SNTB1: variants seen among roughly 807,000 people sequenced by gnomAD.
SNTB1 encodes syntrophin beta 1.
In SNTB1, 36 loss-of-function variants were observed where a neutral mutation model predicts 48.9. The ratio of observed to expected loss-of-function variants is 0.74; its 90% CI spans 0.56 to 0.97. The LOEUF (loss-of-function observed/expected upper bound fraction) is 0.97, where lower values mean the gene tolerates loss of function less well. SNTB1 is among the 50% of genes least tolerant of loss of function. The pLI is 0.00. For synonymous variants in SNTB1, 299 were observed against 294.6 expected (o/e 1.01, Z -0.15); for missense variants, 786 against 703.4 (o/e 1.12, Z -1.33).
rs746672901 is a variant in SNTB1, at chr8:120,632,535, G to A, written c.905C>T (p.Thr302Ile). Residue 302 changes from threonine to isoleucine, a missense_variant, in exon 3 of 7, where the codon ACC (threonine) becomes ATC (isoleucine). Thr to Ile is a moderately conservative substitution (Grantham distance 89, BLOSUM62 -1). Transcript: ENST00000517992. ...AIHSNVNDLL[T>I]RVIAEVREQL... ...CTCTCTGACCTCAGCAATCACTCGG[G>A]TCAGCAGGTCATTAACGTTGGAATG... The A allele has an allele frequency of 6.2e-7, 1 of 1,614,150 alleles. No individual in the cohort carries two copies. The highest frequency in any genetic ancestry group is 2.2e-5 in the East Asian group (1 of 44,876).
chr8:120,604,226 T>C (rs1295575649), intron 3 of SNTB1, among the ~76,000 whole-genome samples: 1 of 152,160 alleles, frequency 6.6e-6, no homozygotes, highest in African/African-American at 2.4e-5. Context: ...TCTTTTGATA[T>C]CCCCTTGGCG....
intron 2 of SNTB1, among the ~76,000 whole-genome samples, chr8:120,665,447 C>CAAAT (rs202008122): frequency 0.35 from 37,192 of 107,594 alleles, 4,957 homozygotes; most frequent in Middle Eastern, 0.45. Context: ...ACTCCATCTC[C>CAAAT]AAATAAATAA....
At chr8:120,611,963 T>A (rs1343110860) in intron 3 of SNTB1, among the ~76,000 whole-genome samples, 2 of 152,182 alleles carry the variant, frequency 1.3e-5, no homozygotes, top group Middle Eastern at 3.4e-3. Flanking sequence ...TACTTCAAGA[T>A]CGGCTCACAT....
At position 120,811,609 on chromosome 8, in the gene SNTB1, C is replaced by A; in HGVS notation, c.235G>T (p.Ala79Ser). 1 of 1,581,758 alleles carries A rather than the reference C, an allele frequency of 6.3e-7. No individual in the cohort carries two copies. Among genetic ancestry groups the A allele is most frequent in the Non-Finnish European group, 8.6e-7 (1 of 1,168,138 alleles). The stretch of plus-strand genomic sequence containing the variant: ...GAGTCCGGGGGCTGCGCGCCGCCCG[C>A]GCCCGGGTGCCCAGCCCCGGCGCCC... ...CRGAGAGHPG[A>S]GGAQPPDSPA... The change falls in exon 1 of 7, where the codon GCG becomes TCG. Residue 79 changes from alanine to serine, a missense_variant. Coordinates refer to ENST00000517992, the MANE Select transcript of SNTB1 (RefSeq NM_021021.4).
intron 1 of SNTB1, among the ~76,000 whole-genome samples, chr8:120,730,751 A>G (rs1332689699): frequency 1.3e-5 from 2 of 152,152 alleles, no homozygotes; most frequent in East Asian, 3.9e-4. Flanking sequence ...CCTATTTTTC[A>G]TGGTGATTTG....
intron 1 of SNTB1, chr8:120,769,641 G>A (rs1020124165): frequency 2.0e-5 from 3 of 152,202 alleles, no homozygotes; most frequent in South Asian, 2.1e-4. Context: ...TGTACAGAGG[G>A]AGCTGCTCCA....
intron 1 of SNTB1, among the ~76,000 whole-genome samples, chr8:120,701,170 GA>G (rs1818304052): frequency 6.6e-6 from 1 of 152,158 alleles, no homozygotes; most frequent in Non-Finnish European, 1.5e-5. Context: ...GATGCAGAGA[GA>G]GATCATCAAT....
At chr8:120,784,546 G>C (rs978089451) in intron 1 of SNTB1, among the ~76,000 whole-genome samples, 2 of 152,072 alleles carry the variant, frequency 1.3e-5, no homozygotes, top group Non-Finnish European at 1.5e-5. Flanking sequence ...ACAGCTGTCC[G>C]GACAAAGGAG....
At chr8:120,604,457 C>CT (rs60947708) in intron 3 of SNTB1, among the ~76,000 whole-genome samples, 1,980 of 132,976 alleles carry the variant, frequency 0.015, 48 homozygotes, top group African/African-American at 0.047. Flanking sequence ...GCTTTTGCTT[C>CT]TTTTTTTTTT....
intron 1 of SNTB1, among the ~76,000 whole-genome samples, chr8:120,810,783 C>A (rs1379103894): frequency 6.6e-6 from 1 of 152,182 alleles, no homozygotes; most frequent in Non-Finnish European, 1.5e-5. Context: ...CAACCCTCTT[C>A]TGCTGGGCTG....
intron 3 of SNTB1, among the ~76,000 whole-genome samples, chr8:120,619,310 TAGAG>T (rs752369440): frequency 9.0e-4 from 133 of 146,972 alleles, no homozygotes; most frequent in East Asian, 1.9e-3. Context: ...TATATATATA[TAGAG>T]AGAGAGAGAG....
rs569938295 is a variant in SNTB1, at chr8:120,632,705, T to C, written c.789-54A>G. On this transcript the variant is annotated intron_variant, in intron 2 of 6. Transcript: ENST00000517992. ...AAGTTTCCTGGCAGGTCCTGCTTCG[T>C]CAAGATCTGGGTCACAAAGGTGAAT... 1.1e-4 allele frequency: 157 copies of C among 1,478,626 alleles called. No homozygotes were observed. In the African/African-American group the frequency reaches 2.0e-3, roughly 19 times the overall value. The allele number at this position is 1,478,626 out of a possible 1,614,324, so 91.6% of individuals were successfully genotyped here. A position where few individuals can be genotyped will look rare whatever the true frequency, so the allele number is the denominator to read the frequency against.
intron 2 of SNTB1, among the ~76,000 whole-genome samples, chr8:120,687,449 C>T (rs1818052802): frequency 6.6e-6 from 1 of 152,152 alleles, no homozygotes; most frequent in South Asian, 2.1e-4. Flanking sequence ...TATTTATGTA[C>T]AGCTCAAAGG....
At position 120,726,333 on chromosome 8, in the gene SNTB1, CA is replaced by C. The variant is rs1326771221; in HGVS notation, c.572-32426del. ...GAGACATTGCTGACTGGAGAGGATA[CA>C]TTTTTTTTTTGGGATAAGGATTAAA... On this transcript the variant is annotated intron_variant, in intron 1 of 6. Transcript: ENST00000517992. Among the ~76,000 whole-genome samples, 7 of 152,150 alleles carry C rather than the reference CA, an allele frequency of 4.6e-5. No individual in the cohort carries two copies. In the South Asian group the frequency reaches 8.3e-4, roughly 18 times the overall value.
At chr8:120,605,394 C>T (rs1445262354) in intron 3 of SNTB1, among the ~76,000 whole-genome samples, 1 of 152,186 alleles carries the variant, frequency 6.6e-6, no homozygotes, top group Admixed American at 6.5e-5. Context: ...AGGCTAACAG[C>T]TGGGAATCTG....
At chr8:120,763,931 GT>G (rs1355734662) in intron 1 of SNTB1, among the ~76,000 whole-genome samples, 5 of 152,094 alleles carry the variant, frequency 3.3e-5, no homozygotes, top group Admixed American at 2.0e-4. Flanking sequence ...AAGACCAAGT[GT>G]TTGGTCACAC....
intron 1 of SNTB1, among the ~76,000 whole-genome samples, chr8:120,799,716 T>C (rs140924233): frequency 6.6e-6 from 1 of 152,146 alleles, no homozygotes; most frequent in African/African-American, 2.4e-5. Flanking sequence ...GAGTCTTCAG[T>C]TCAGAGGTCC....
rs187528939 is a variant in SNTB1, at chr8:120,793,099, C to A, written c.571+18174G>T. ...CCTGAAATGAATAAGAAACATGTAT[C>A]ATGAGCTTGGAGATGCAACTGGGAT... On this transcript the variant is annotated intron_variant, in intron 1 of 6. Coordinates refer to ENST00000517992, the MANE Select transcript of SNTB1 (RefSeq NM_021021.4). Among the ~76,000 whole-genome samples the A allele has an allele frequency of 3.3e-5, 5 of 152,002 alleles. No homozygotes were observed. The East Asian group carries it at 9.7e-4, about 29-fold the overall frequency.
intron 3 of SNTB1, among the ~76,000 whole-genome samples, chr8:120,595,212 C>G (rs1476329819): frequency 6.6e-6 from 1 of 152,132 alleles, no homozygotes; most frequent in Non-Finnish European, 1.5e-5. Context: ...CTGAGTCCTA[C>G]TGGGCTGCAT....
Sources: allele counts gnomAD v4.1 joint callset (sites outside exome capture counted in the v4.1 genomes callset), GRCh38; gene constraint gnomAD v4.1.1; transcripts MANE v1.5; gene names NCBI Gene and HGNC (gene_info 2026-07-23, HGNC 2026-07-21).